Variants in ADAM10 observed in about 807,000 individuals in gnomAD.
ADAM10 encodes the protein ADAM metallopeptidase domain 10.
ADAM10 carries 17 observed loss-of-function variants against 90.1 expected under a neutral mutation model. That is an observed-to-expected ratio of 0.19 (90% CI 0.13 to 0.28). ADAM10 has a LOEUF of 0.28. ADAM10 is among the 10% of genes least tolerant of loss of function. ADAM10 has a pLI of 1.00. For missense variants in ADAM10, 610 were observed against 914.3 expected (o/e 0.67, Z 4.29); for synonymous variants, 310 against 298.6 (o/e 1.04, Z -0.40).
At chr15:58,637,880 C>G (rs186915145) in intron 8 of ADAM10, among the ~76,000 whole-genome samples, 10 of 151,998 alleles carry the variant, frequency 6.6e-5, no homozygotes, top group African/African-American at 2.2e-4. Flanking sequence ...GACAATAATA[C>G]CTACACCTCA....
At chr15:58,631,081 AC>A (rs1896087854) in intron 9 of ADAM10, among the ~76,000 whole-genome samples, 1 of 152,100 alleles carries the variant, frequency 6.6e-6, no homozygotes, top group Non-Finnish European at 1.5e-5. Context: ...CTCCACTCCC[AC>A]CATGTGATCT....
intron 10 of ADAM10, among the ~76,000 whole-genome samples, chr15:58,625,043 C>T (rs1232380788): frequency 1.3e-5 from 2 of 151,976 alleles, no homozygotes; most frequent in East Asian, 1.9e-4. Flanking sequence ...CAACCACTGA[C>T]AATAACAATA....
At chr15:58,615,056 C>T (rs1290535783) in intron 11 of ADAM10, among the ~76,000 whole-genome samples, 2 of 152,054 alleles carry the variant, frequency 1.3e-5, no homozygotes, top group Admixed American at 1.3e-4. Flanking sequence ...AGGCAGATCA[C>T]GAGGTCAGGA....
intron 14 of ADAM10, among the ~76,000 whole-genome samples, chr15:58,604,708 T>C (rs549082733): frequency 6.6e-6 from 1 of 152,324 alleles, no homozygotes; most frequent in East Asian, 1.9e-4. Context: ...AAAACTGGTT[T>C]GGATATATTT....
intron 1 of ADAM10, among the ~76,000 whole-genome samples, chr15:58,726,171 T>TA (rs1486832458): frequency 6.6e-6 from 1 of 152,196 alleles, no homozygotes; most frequent in Non-Finnish European, 1.5e-5. Context: ...AGTGTACATA[T>TA]ACTCCATATG....
At chr15:58,710,996 C>G (rs1159467111) in intron 2 of ADAM10, among the ~76,000 whole-genome samples, 2 of 152,176 alleles carry the variant, frequency 1.3e-5, no homozygotes, top group African/African-American at 4.8e-5. Context: ...TTACAGGTTA[C>G]CTGGGCCATA....
At chr15:58,700,845 T>C (rs1321389296) in intron 2 of ADAM10, among the ~76,000 whole-genome samples, 10 of 151,124 alleles carry the variant, frequency 6.6e-5, no homozygotes, top group Non-Finnish European at 1.5e-4. Context: ...CAAGACCCCA[T>C]CCCTAAAAAA....
intron 9 of ADAM10, among the ~76,000 whole-genome samples, chr15:58,630,163 T>A (rs1413944128): frequency 2.6e-5 from 4 of 152,206 alleles, no homozygotes; most frequent in African/African-American, 9.7e-5. Context: ...CTGCAGAGCA[T>A]TCCGTGGTAT....
chr15:58,729,515 T>A (rs1899153567), intron 1 of ADAM10, among the ~76,000 whole-genome samples: 1 of 152,200 alleles, frequency 6.6e-6, no homozygotes. Flanking sequence ...CCCAGAGTGA[T>A]CTGTATGCAC....
intron 1 of ADAM10, among the ~76,000 whole-genome samples, chr15:58,737,885 G>T (rs1272736863): frequency 2.0e-5 from 3 of 152,070 alleles, no homozygotes; most frequent in African/African-American, 7.2e-5. Context: ...TCTGATAGTG[G>T]GTCACCATCA....
intron 9 of ADAM10, among the ~76,000 whole-genome samples, chr15:58,629,886 C>T (rs1896055293): frequency 1.3e-5 from 2 of 152,078 alleles, no homozygotes; most frequent in Admixed American, 1.3e-4. Context: ...CCGACCTTAG[C>T]TTCTCGAGTA....
At chr15:58,733,393 T>C (rs1391825283) in intron 1 of ADAM10, among the ~76,000 whole-genome samples, 1 of 152,158 alleles carries the variant, frequency 6.6e-6, no homozygotes, top group African/African-American at 2.4e-5. Context: ...CTGCTGTGGA[T>C]TTCCAGAGGT....
intron 4 of ADAM10, among the ~76,000 whole-genome samples, chr15:58,667,695 ATT>A (rs2140732298): frequency 6.6e-6 from 1 of 152,054 alleles, no homozygotes; most frequent in Non-Finnish European, 1.5e-5. Context: ...GAAAATCGTC[ATT>A]TATTCCCAAA....
intron 2 of ADAM10, among the ~76,000 whole-genome samples, chr15:58,716,988 T>C (rs1244842824): frequency 6.6e-6 from 1 of 152,098 alleles, no homozygotes; most frequent in Non-Finnish European, 1.5e-5. Context: ...TCCTCGGATA[T>C]AAAAAGCTAT....
chr15:58,740,386 G>C (rs1899568259), intron 1 of ADAM10, among the ~76,000 whole-genome samples: 1 of 149,944 alleles, frequency 6.7e-6, no homozygotes, highest in Non-Finnish European at 1.5e-5. Context: ...TCCAGCCTGG[G>C]CATCAGCGCG....
chr15:58,647,888 A>G (rs1896592441), intron 5 of ADAM10, among the ~76,000 whole-genome samples: 4 of 152,162 alleles, frequency 2.6e-5, no homozygotes, highest in African/African-American at 7.2e-5. Context: ...TACCACTGCT[A>G]TTGAATCCAG....
Position 58,591,970 on chromosome 15 carries a change from T to C in ADAM10, c.*5577A>G, listed in dbSNP as rs1445520328. The stretch of plus-strand genomic sequence containing the variant: ...CTCTTAAGTCTCCTTTAACCCATCG[T>C]TGTCTTTTCTCTTTGCATTTCTGTT... On this transcript the variant is annotated 3_prime_UTR_variant, in exon 16 of 16. Transcript: ENST00000260408. The C allele has an allele frequency of 1.3e-5, 2 of 152,252 alleles. No individual in the cohort carries two copies. Among genetic ancestry groups the C allele is most frequent in the Non-Finnish European group, 2.9e-5 (2 of 68,058 alleles). The allele number at this position is 152,252 out of a possible 1,614,324, so 9.4% of individuals were successfully genotyped here.
chr15:58,668,591 C>T (rs1295766073), intron 4 of ADAM10, among the ~76,000 whole-genome samples: 1 of 150,960 alleles, frequency 6.6e-6, no homozygotes, highest in Non-Finnish European at 1.5e-5. Flanking sequence ...AGTCAAATTC[C>T]ACCTCCCCAG....
intron 4 of ADAM10, among the ~76,000 whole-genome samples, chr15:58,677,093 G>A (rs4775086): frequency 0.41 from 61,958 of 152,024 alleles, 15,541 homozygotes; most frequent in African/African-American, 0.68. Context: ...AGATTTTTAG[G>A]TAGTTTTTCA....
Sources: allele counts gnomAD v4.1 joint callset (sites outside exome capture counted in the v4.1 genomes callset), GRCh38; gene constraint gnomAD v4.1.1; transcripts MANE v1.5; gene names NCBI Gene and HGNC (gene_info 2026-07-23, HGNC 2026-07-21).